The following PRXL2C variants were observed in gnomAD, a reference collection of about 807,000 sequenced individuals.
PRXL2C encodes peroxiredoxin-like 2C.
A neutral mutation model predicts 24.9 loss-of-function variants in PRXL2C; 38 were observed. The ratio of observed to expected loss-of-function variants is 1.53; its 90% CI spans 1.18 to 2.00. The LOEUF (loss-of-function observed/expected upper bound fraction) is 2.00. Among genes scored for constraint, PRXL2C ranks in the 30% most tolerant of loss-of-function variants. The probability of loss-of-function intolerance (pLI) is 0.00; values close to 1 mark genes in which losing one functional copy is unlikely to be tolerated. For synonymous variants in PRXL2C, 98 were observed against 117.2 expected (o/e 0.84, Z 1.06); for missense variants, 294 against 290.9 (o/e 1.01, Z -0.08).
At chr9:96,648,437 T>G (rs1266639176) in intron 4 of PRXL2C, among the ~76,000 whole-genome samples, 1 of 152,132 alleles carries the variant, frequency 6.6e-6, no homozygotes, top group East Asian at 1.9e-4. Flanking sequence ...TTTATTAAAA[T>G]AGGCACCATT....
In PRXL2C at chr9:96,651,332, T is replaced by A. The variant is rs1399761524; in HGVS notation, c.421+58A>T. On this transcript the variant is annotated intron_variant, in intron 4 of 5. Transcript: ENST00000375234. Reference sequence around the variant, plus strand: ...TTGACCATGTTTCCCTATGCATATATACACAAATATGAACATACACCACCA... The same window carrying A: ...TTGACCATGTTTCCCTATGCATATAAACACAAATATGAACATACACCACCA... The A allele has an allele frequency of 1.4e-5, 18 of 1,263,280 alleles. No individual in the cohort carries two copies. The East Asian group carries it at 4.2e-4, about 29-fold the overall frequency. 78.3% of individuals were successfully genotyped at this position (1,263,280 alleles called of 1,614,324 possible). A position where few individuals can be genotyped will look rare whatever the true frequency, so the allele number is the denominator to read the frequency against.
chr9:96,651,851 G>C (rs1001798736), intron 2 of PRXL2C, 139 bp from the exon 3 acceptor site: 10 of 605,770 alleles, frequency 1.7e-5, no homozygotes, highest in Admixed American at 1.0e-4. Flanking sequence ...GCAAAATTGT[G>C]TGAGTTAATG....
At chr9:96,654,633 C>T in intron 2 of PRXL2C, 72 bp downstream of exon 2, 2 of 1,420,214 alleles carry the variant, frequency 1.4e-6, no homozygotes, top group Non-Finnish European at 1.9e-6. Flanking sequence ...CGCGCTGGAG[C>T]CGCGTCCTCC....
chr9:96,648,628 G>A (rs908372307), intron 4 of PRXL2C, among the ~76,000 whole-genome samples: 10 of 152,110 alleles, frequency 6.6e-5, no homozygotes, highest in Non-Finnish European at 1.5e-4. Context: ...GGTTGAAGTA[G>A]TGAAGATTTG....
intron 4 of PRXL2C, among the ~76,000 whole-genome samples, chr9:96,648,983 G>A (rs973747361): frequency 1.3e-5 from 2 of 152,030 alleles, no homozygotes; most frequent in East Asian, 3.9e-4. Context: ...ATGTTGGTCA[G>A]GCTGGTCATG....
At chr9:96,652,351 T>C (rs1353571724) in intron 2 of PRXL2C, among the ~76,000 whole-genome samples, 3 of 152,016 alleles carry the variant, frequency 2.0e-5, no homozygotes, top group African/African-American at 4.8e-5. Context: ...TGAAACCCCA[T>C]CTCCACTAAA....
chr9:96,651,002 A>T (rs1383270450), intron 4 of PRXL2C, among the ~76,000 whole-genome samples: 1 of 152,216 alleles, frequency 6.6e-6, no homozygotes, highest in Non-Finnish European at 1.5e-5. Flanking sequence ...AATAAAAAGC[A>T]GCCTGAGGCT....
intron 2 of PRXL2C, among the ~76,000 whole-genome samples, chr9:96,653,241 A>G (rs539680096): frequency 2.4e-4 from 34 of 141,778 alleles, no homozygotes; most frequent in African/African-American, 1.1e-3. Context: ...AAAAAAAAAG[A>G]AGAAAAGAAA....
chr9:96,641,875 G>A lies in PRXL2C; in HGVS notation c.565C>T (p.His189Tyr), dbSNP rs1848122404. ...TLILGPGNNI[H>Y]FIHRDRNRLD... is the part of the protein sequence containing the mutation. ...CTATTCCTATCGCGGTGTATAAAAT[G>A]GATGTTGTTACCTAGAAGAGAATAA... Residue 189 changes from histidine to tyrosine, a missense_variant, in exon 6 of 6, where the codon CAT (histidine) becomes TAT (tyrosine). Transcript: ENST00000375234. 3 of 1,499,422 alleles carry A rather than the reference G, an allele frequency of 2.0e-6. No individual in the cohort carries two copies. The highest frequency in any genetic ancestry group is 1.4e-5 in the African/African-American group (1 of 72,742). The allele number at this position is 1,499,422 out of a possible 1,614,324, so 92.9% of individuals were successfully genotyped here.
chr9:96,642,546 A>ATTT (rs1212733244), intron 5 of PRXL2C, among the ~76,000 whole-genome samples: 2 of 134,936 alleles, frequency 1.5e-5, no homozygotes, highest in African/African-American at 2.7e-5. Flanking sequence ...GCACGTTTTC[A>ATTT]TTTTTTTTTT....
In PRXL2C at chr9:96,651,719, A is replaced by AG; in HGVS notation, c.262-8dup. 1 of 1,604,052 alleles carries AG rather than the reference A, an allele frequency of 6.2e-7. No individual in the cohort carries two copies. The highest frequency in any genetic ancestry group is 8.5e-7 in the Non-Finnish European group (1 of 1,174,038). On this transcript the variant is annotated splice_region_variant and splice_polypyrimidine_tract_variant and intron_variant, in intron 2 of 5. Coordinates refer to ENST00000375234, the MANE Select transcript of PRXL2C (RefSeq NM_153698.2). ...TAAGGGTGACATTTGCTTCCTTAGG[A>AG]GAAAAAAAAGGACATGTATATATCA...
chr9:96,641,726 G>T lies in PRXL2C; in HGVS notation c.*33C>A, dbSNP rs1418093970. On this transcript the variant is annotated 3_prime_UTR_variant, in exon 6 of 6. Transcript: ENST00000375234. ...AGGCATTGAAGGTCACATTCCAGAA[G>T]GTCCAGTTGAAAGTGACTGAGTGCA... The T allele has an allele frequency of 2.6e-6, 4 of 1,528,134 alleles. No homozygotes were observed. In the East Asian group the frequency reaches 9.3e-5, roughly 36 times the overall value. The allele number at this position is 1,528,134 out of a possible 1,614,324, so 94.7% of individuals were successfully genotyped here. A position where few individuals can be genotyped will look rare whatever the true frequency, so the allele number is the denominator to read the frequency against.
chr9:96,652,520 CAAAA>C (rs1254621971), intron 2 of PRXL2C, among the ~76,000 whole-genome samples: 3 of 56,382 alleles, frequency 5.3e-5, no homozygotes, highest in African/African-American at 5.5e-5. Flanking sequence ...GACTCCGCCT[CAAAA>C]AAAAAAAAAA....
chr9:96,652,958 T>G (rs1848289664), intron 2 of PRXL2C, among the ~76,000 whole-genome samples: 1 of 152,140 alleles, frequency 6.6e-6, no homozygotes, highest in South Asian at 2.1e-4. Flanking sequence ...CCGGGCGCGG[T>G]GGCTCACGCC....
intron 2 of PRXL2C, among the ~76,000 whole-genome samples, chr9:96,653,841 T>G (rs973339185): frequency 1.5e-5 from 2 of 130,258 alleles, no homozygotes; most frequent in African/African-American, 3.7e-5. Context: ...TGTAGCACAG[T>G]TTTTTTTTTT....
Position 96,645,919 on chromosome 9 carries a change from T to C in PRXL2C, c.527A>G (p.Gln176Arg). ...TGGACCTAAAATGAGGGTTCCACCT[T>C]GCTGAGCTGGGTCTCCTTGAAAATC... ...LFDFQGDPAQ[Q>R]GGTLILGPGN... is the part of the protein sequence containing the mutation. The change falls in exon 5 of 6, where the codon CAA becomes CGA. Residue 176 changes from glutamine (Q) to arginine (R), a missense_variant. Coordinates refer to ENST00000375234, the MANE Select transcript of PRXL2C (RefSeq NM_153698.2). 6.2e-7 allele frequency: 1 copy of C among 1,613,246 alleles called. No homozygotes were observed. The highest frequency in any genetic ancestry group is 8.5e-7 in the Non-Finnish European group (1 of 1,179,836).
At chr9:96,646,515 G>A (rs1048006679) in intron 4 of PRXL2C, among the ~76,000 whole-genome samples, 1 of 152,218 alleles carries the variant, frequency 6.6e-6, no homozygotes, top group Non-Finnish European at 1.5e-5. Flanking sequence ...ACTGCTACGT[G>A]TTGGTCAAAA....
chr9:96,644,614 TAGGTGGGATTACA>T, intron 5 of PRXL2C, among the ~76,000 whole-genome samples: 1 of 151,964 alleles, frequency 6.6e-6, no homozygotes, highest in East Asian at 1.9e-4. Flanking sequence ...GCCTCCCAAG[TAGGTGGGATTACA>T]AGCATGCACC....
intron 2 of PRXL2C, among the ~76,000 whole-genome samples, chr9:96,652,453 G>A (rs907712440): frequency 4.0e-5 from 6 of 150,290 alleles, no homozygotes; most frequent in Admixed American, 1.3e-4. Flanking sequence ...CCTAGGAGGC[G>A]AAGGTTGTAG....
Sources: gnomAD v4.1 joint callset for allele counts (sites outside exome capture counted in the v4.1 genomes callset) on GRCh38, gnomAD v4.1.1 for gene constraint, MANE v1.5 for transcripts, NCBI Gene and HGNC (gene_info 2026-07-23, HGNC 2026-07-21) for gene names.